Variants in DHCR24 observed in about 807,000 individuals in gnomAD.
DHCR24 encodes the protein 24-dehydrocholesterol reductase, also known as delta(24)-sterol reductase.
A neutral mutation model predicts 61.2 loss-of-function variants in DHCR24; 28 were observed. That is an observed-to-expected ratio of 0.46 (90% CI 0.34 to 0.63). DHCR24 has a LOEUF of 0.63. DHCR24 is among the 20% of genes least tolerant of loss of function. The pLI is 0.01. For synonymous variants in DHCR24, 261 were observed against 275.9 expected, an observed-to-expected ratio of 0.95 and a Z score of 0.54; for missense variants, 538 against 679.1, an observed-to-expected ratio of 0.79 and a Z score of 2.31.
At chr1:54,864,310 T>C (rs1646955777) in intron 6 of DHCR24, among the ~76,000 whole-genome samples, 1 of 152,130 alleles carries the variant, frequency 6.6e-6, no homozygotes, top group South Asian at 2.1e-4. Flanking sequence ...CACATGTCCA[T>C]CAACAGATGA....
At chr1:54,861,886 C>G (rs2101562508) in intron 6 of DHCR24, among the ~76,000 whole-genome samples, 1 of 152,318 alleles carries the variant, frequency 6.6e-6, no homozygotes, top group East Asian at 1.9e-4. Context: ...AATCCTCTCC[C>G]CTTTCATCTC....
At chr1:54,863,974 G>A (rs969319658) in intron 6 of DHCR24, among the ~76,000 whole-genome samples, 3 of 152,124 alleles carry the variant, frequency 2.0e-5, no homozygotes, top group Non-Finnish European at 4.4e-5. Context: ...TAATTTCAAG[G>A]AAAATGCAAG....
chr1:54,886,739 C>G, intron 1 of DHCR24, 150 bp downstream of exon 1: 4 of 1,228,410 alleles, frequency 3.3e-6, no homozygotes, highest in Non-Finnish European at 3.2e-6. Flanking sequence ...ATTTTTGTTT[C>G]GTTCCAACCC....
In DHCR24 at chr1:54,883,521, C is replaced by G; in HGVS notation, c.387+97G>C. The stretch of plus-strand genomic sequence containing the variant: ...ACTGTGGGCATTGGTCCTGTCCACT[C>G]TGCAATGCCCTTGGCTAAAATCATC... On this transcript the variant is annotated intron_variant, in intron 2 of 8. Transcript: ENST00000371269. This position sits in a 1 kb window ranked among gnomAD's most constrained non-coding sequence, Gnocchi z 4.3. 2 of 1,468,578 alleles carry G rather than the reference C, an allele frequency of 1.4e-6. No individual in the cohort carries two copies. The highest frequency in any genetic ancestry group is 9.5e-7 in the Non-Finnish European group (1 of 1,050,068). 91.0% of individuals were successfully genotyped at this position (1,468,578 alleles called of 1,614,324 possible). A position where few individuals can be genotyped will look rare whatever the true frequency, so the allele number is the denominator to read the frequency against.
chr1:54,885,505 C>A (rs2101579887), intron 1 of DHCR24, among the ~76,000 whole-genome samples: 1 of 152,236 alleles, frequency 6.6e-6, no homozygotes, highest in East Asian at 1.9e-4. Context: ...AGGTTCTAGC[C>A]CCATTTACTG....
intron 6 of DHCR24, among the ~76,000 whole-genome samples, chr1:54,864,753 T>C (rs1418826244): frequency 6.6e-6 from 1 of 151,788 alleles, no homozygotes; most frequent in Non-Finnish European, 1.5e-5. Flanking sequence ...CTCCCCAGAG[T>C]TGTTCCTGGT....
chr1:54,856,428 C>T (rs1362401820), intron 6 of DHCR24, among the ~76,000 whole-genome samples: 1 of 152,138 alleles, frequency 6.6e-6, no homozygotes, highest in South Asian at 2.1e-4. Flanking sequence ...AAAACCCTGT[C>T]TCTACTAAAA....
At chr1:54,854,924 G>A (rs1271806641) in intron 6 of DHCR24, among the ~76,000 whole-genome samples, 1 of 152,130 alleles carries the variant, frequency 6.6e-6, no homozygotes, top group Non-Finnish European at 1.5e-5. Context: ...GCCTCCTGAC[G>A]ATGGCCCCCT....
At chr1:54,857,997 G>A (rs1570181992) in intron 6 of DHCR24, among the ~76,000 whole-genome samples, 2 of 152,212 alleles carry the variant, frequency 1.3e-5, no homozygotes, top group South Asian at 4.1e-4. Flanking sequence ...TCATCAGGGA[G>A]GAACCTGGGG....
intron 5 of DHCR24, among the ~76,000 whole-genome samples, chr1:54,870,053 C>CAA (rs372873383): frequency 2.4e-5 from 3 of 127,478 alleles, no homozygotes; most frequent in African/African-American, 5.8e-5. Context: ...GACTCCATCT[C>CAA]AAAAAAAAAA....
At chr1:54,880,021 AAAC>A (rs1647056229) in intron 2 of DHCR24, among the ~76,000 whole-genome samples, 1 of 152,208 alleles carries the variant, frequency 6.6e-6, no homozygotes, top group African/African-American at 2.4e-5. Flanking sequence ...ATGAAATTGA[AAAC>A]AACACACACA....
In DHCR24 at chr1:54,854,142, A is replaced by C. The variant is rs765058105; in HGVS notation, c.1113T>G (p.Gly371=). Residue 371 remains glycine (G), a synonymous_variant, in exon 7 of 9, where the codon GGT becomes GGG. Transcript: ENST00000371269. ...PKISLLKLTQ[G]ETLRKLYEQH... Reference sequence around the variant, plus strand: ...GCTCGTACAGCTTGCGCAGGGTCTCACCCTGGGTCAGCTTCAGGAGGGAGA... The same window carrying C: ...GCTCGTACAGCTTGCGCAGGGTCTCCCCCTGGGTCAGCTTCAGGAGGGAGA... 5.0e-6 allele frequency: 8 copies of C among 1,613,892 alleles called. No individual in the cohort carries two copies. In the African/African-American group the frequency reaches 1.1e-4, roughly 22 times the overall value.
chr1:54,866,607 G>A (rs534832217), intron 5 of DHCR24, among the ~76,000 whole-genome samples: 23 of 152,320 alleles, frequency 1.5e-4, no homozygotes, highest in African/African-American at 5.0e-4. Flanking sequence ...TGCCAAGCAC[G>A]GTGCCTGGTC....
intron 5 of DHCR24, among the ~76,000 whole-genome samples, chr1:54,869,629 T>C (rs671701): frequency 0.52 from 78,873 of 151,880 alleles, 21,353 homozygotes; most frequent in South Asian, 0.7. Flanking sequence ...CGGCTGGGTG[T>C]GGTGGCTCAC....
At chr1:54,869,631 G>A (rs1646986383) in intron 5 of DHCR24, among the ~76,000 whole-genome samples, 1 of 151,994 alleles carries the variant, frequency 6.6e-6, no homozygotes, top group South Asian at 2.1e-4. Flanking sequence ...GCTGGGTGTG[G>A]TGGCTCACAC....
intron 6 of DHCR24, among the ~76,000 whole-genome samples, chr1:54,862,400 CGA>C (rs1557432662): frequency 6.6e-6 from 1 of 152,138 alleles, no homozygotes; most frequent in Admixed American, 6.5e-5. Context: ...ATCCAGAGGT[CGA>C]GTCTGTCTTC....
At chr1:54,886,202 G>C (rs962043832) in intron 1 of DHCR24, among the ~76,000 whole-genome samples, 1 of 152,180 alleles carries the variant, frequency 6.6e-6, no homozygotes, top group African/African-American at 2.4e-5. Context: ...AGCCACAGCA[G>C]GTCACAGGCT....
chr1:54,857,342 C>G (rs1474284128), intron 6 of DHCR24, among the ~76,000 whole-genome samples: 1 of 152,256 alleles, frequency 6.6e-6, no homozygotes, highest in Non-Finnish European at 1.5e-5. Flanking sequence ...GAACCCCAGC[C>G]CCAGCAGGAA....
At chr1:54,873,135 C>T (rs1264473546) in intron 4 of DHCR24, among the ~76,000 whole-genome samples, 1 of 152,212 alleles carries the variant, frequency 6.6e-6, no homozygotes, top group Non-Finnish European at 1.5e-5. Context: ...TTTACTTACA[C>T]GATTACGTGC....
Sources: gnomAD v4.1 joint callset for allele counts (sites outside exome capture counted in the v4.1 genomes callset) on GRCh38, gnomAD v4.1.1 for gene constraint, Gnocchi (gnomAD v3.1) non-coding constraint, MANE v1.5 for transcripts, NCBI Gene and HGNC (gene_info 2026-07-23, HGNC 2026-07-21) for gene names.